RALGAPA1: variants seen among roughly 807,000 people sequenced by gnomAD.
The protein encoded by RALGAPA1 is Ral GTPase activating protein catalytic subunit alpha 1, also known as ral GTPase-activating protein subunit alpha-1.
A neutral mutation model predicts 269.6 loss-of-function variants in RALGAPA1; 52 were observed. The ratio of observed to expected loss-of-function variants is 0.19; its 90% confidence interval spans 0.15 to 0.24. The LOEUF (loss-of-function observed/expected upper bound fraction) is 0.24, where lower values mean the gene tolerates loss of function less well. RALGAPA1 is among the 10% of genes least tolerant of loss of function. RALGAPA1 has a pLI of 1.00. For synonymous variants in RALGAPA1, 817 were observed against 1,008.3 expected, an observed-to-expected ratio of 0.81 and a Z score of 3.60; for missense variants, 1,917 against 3,013.9, an observed-to-expected ratio of 0.64 and a Z score of 8.52.
chr14:35,782,852 C>A (rs979548556), intron 1 of RALGAPA1, among the ~76,000 whole-genome samples: 4 of 151,400 alleles, frequency 2.6e-5, no homozygotes, highest in Non-Finnish European at 5.9e-5. Context: ...TAAATGGAGT[C>A]TCGCTGTTAC....
chr14:35,750,814 C>T, intron 8 of RALGAPA1, 124 bp from the exon 9 acceptor site: 1 of 818,314 alleles, frequency 1.2e-6, no homozygotes, highest in East Asian at 2.7e-5. Context: ...GTAGCTTTAG[C>T]ACAGAAATGA....
At chr14:35,801,973 A>G (rs966053432) in intron 1 of RALGAPA1, among the ~76,000 whole-genome samples, 2 of 152,242 alleles carry the variant, frequency 1.3e-5, no homozygotes, top group Non-Finnish European at 2.9e-5. Context: ...CTGTATTTGC[A>G]GACTGATTCT....
intron 31 of RALGAPA1, among the ~76,000 whole-genome samples, chr14:35,640,988 T>C (rs1388431485): frequency 6.6e-6 from 1 of 152,196 alleles, no homozygotes; most frequent in Admixed American, 6.5e-5. Context: ...ACCTTTGTGA[T>C]AATTTCAGTT....
chr14:35,656,537 G>T (rs2063186246), intron 28 of RALGAPA1, among the ~76,000 whole-genome samples: 2 of 152,130 alleles, frequency 1.3e-5, no homozygotes, highest in South Asian at 4.1e-4. Context: ...AATCAGTAAG[G>T]ATTCTATTAG....
At chr14:35,804,065 C>T (rs2077173096) in intron 1 of RALGAPA1, among the ~76,000 whole-genome samples, 1 of 152,040 alleles carries the variant, frequency 6.6e-6, no homozygotes, top group Non-Finnish European at 1.5e-5. Context: ...GAGTTCAAGA[C>T]CAGCCTGGCC....
chr14:35,773,057 A>G (rs1324639133), intron 3 of RALGAPA1, among the ~76,000 whole-genome samples: 1 of 152,204 alleles, frequency 6.6e-6, no homozygotes, highest in East Asian at 1.9e-4. Context: ...ATTTTTGTAT[A>G]GAAAGAGATA....
intron 1 of RALGAPA1, among the ~76,000 whole-genome samples, chr14:35,799,250 C>A (rs1194715200): frequency 6.6e-6 from 1 of 151,796 alleles, no homozygotes; most frequent in African/African-American, 2.4e-5. Flanking sequence ...TAAAGGTGTA[C>A]ACTCTGGCAA....
rs117591454 is a variant in RALGAPA1 at position 35,588,609 on chromosome 14, C to T, written c.7209+7025G>A. 7.7e-3 allele frequency among the ~76,000 whole-genome samples: 1,166 copies of T among 152,034 alleles called. 5 individuals carry two copies. Among genetic ancestry groups the T allele is most frequent in the Non-Finnish European group, 0.014 (937 of 67,968 alleles). ...CTATTATCAAAAAGACAAAATGTAA[C>T]GGCAAGGATGTGGAAAAAAGAGGAC... On this transcript the variant is annotated intron_variant, in intron 37 of 41. Transcript: ENST00000680220.
At chr14:35,647,323 C>T (rs1022910851) in intron 31 of RALGAPA1, among the ~76,000 whole-genome samples, 4 of 152,056 alleles carry the variant, frequency 2.6e-5, no homozygotes, top group African/African-American at 7.2e-5. Flanking sequence ...GACAATGAGC[C>T]GTTTGAGAAG....
At chr14:35,541,066 AGACG>A in intron 41 of RALGAPA1, among the ~76,000 whole-genome samples, 1 of 46,982 alleles carries the variant, frequency 2.1e-5, no homozygotes, top group South Asian at 7.7e-4. Flanking sequence ...TTTTTTTTTG[AGACG>A]GAGTCTCACT....
intron 37 of RALGAPA1, among the ~76,000 whole-genome samples, chr14:35,577,276 C>T (rs914408423): frequency 6.6e-6 from 1 of 151,764 alleles, no homozygotes; most frequent in Non-Finnish European, 1.5e-5. Context: ...TCCCATCCAC[C>T]CCCCAAATTC....
intron 1 of RALGAPA1, among the ~76,000 whole-genome samples, chr14:35,788,169 C>T (rs1044948543): frequency 6.6e-6 from 1 of 151,948 alleles, no homozygotes; most frequent in Non-Finnish European, 1.5e-5. Context: ...AACGGGATTT[C>T]ATCATGTTGG....
Position 35,595,865 on chromosome 14 carries a change from G to T in RALGAPA1, c.7054-76C>A, listed in dbSNP as rs1185450647. 6 of 1,236,032 alleles carry T rather than the reference G, an allele frequency of 4.9e-6. No homozygotes were observed. In the East Asian group the frequency reaches 1.5e-4, roughly 31 times the overall value. The allele number at this position is 1,236,032 out of a possible 1,614,324, so 76.6% of individuals were successfully genotyped here. A position where few individuals can be genotyped will look rare whatever the true frequency, so the allele number is the denominator to read the frequency against. ...CTACAGAGAAAGACTCAAACTTCTT[G>T]CTTAAGAAAAAAATTGGGAACAAAG... On this transcript the variant is annotated intron_variant, in intron 36 of 41. Coordinates refer to ENST00000680220, the MANE Select transcript of RALGAPA1 (RefSeq NM_001346249.2).
At chr14:35,607,945 C>T (rs189454550) in intron 35 of RALGAPA1, among the ~76,000 whole-genome samples, 26 of 152,246 alleles carry the variant, frequency 1.7e-4, no homozygotes, top group African/African-American at 4.8e-4. Flanking sequence ...AGATGTAGGA[C>T]GGACAGACAT....
chr14:35,678,159 T>C, intron 21 of RALGAPA1, 57 bp from the exon 22 acceptor site: 3 of 1,514,028 alleles, frequency 2.0e-6, no homozygotes, highest in Non-Finnish European at 2.7e-6. Context: ...CTACCTAAGA[T>C]GTAATGCTTA....
chr14:35,771,342 C>T (rs1434442380), intron 3 of RALGAPA1, among the ~76,000 whole-genome samples: 1 of 151,990 alleles, frequency 6.6e-6, no homozygotes, highest in African/African-American at 2.4e-5. Flanking sequence ...TACCGTGAGC[C>T]GAGATCACGC....
intron 36 of RALGAPA1, among the ~76,000 whole-genome samples, chr14:35,597,662 C>T (rs1279116382): frequency 6.6e-6 from 1 of 152,156 alleles, no homozygotes; most frequent in Non-Finnish European, 1.5e-5. Context: ...AAGAATCCCC[C>T]ATATTGCCCT....
At chr14:35,699,347 G>A (rs1263517587) in intron 17 of RALGAPA1, among the ~76,000 whole-genome samples, 3 of 152,108 alleles carry the variant, frequency 2.0e-5, no homozygotes, top group Middle Eastern at 3.2e-3. Flanking sequence ...AAAGGTCACT[G>A]GGAAACTTTT....
In RALGAPA1 at chr14:35,574,025, T is replaced by C. The variant is rs1811665993; in HGVS notation, c.7210-1307A>G. On this transcript the variant is annotated intron_variant, in intron 37 of 41. Coordinates refer to ENST00000680220, the MANE Select transcript of RALGAPA1 (RefSeq NM_001346249.2). ...TACATGTTACAATAGCAGCCAGATCTAATACTAAGCTCCAGGCTATACTGA... is the reference window on the plus strand; with the variant it reads ...TACATGTTACAATAGCAGCCAGATCCAATACTAAGCTCCAGGCTATACTGA... Among the ~76,000 whole-genome samples, 3 of 152,194 alleles carry C rather than the reference T, an allele frequency of 2.0e-5. No individual in the cohort carries two copies. The South Asian group carries it at 6.2e-4, about 32-fold the overall frequency.
Sources: gnomAD v4.1 joint callset for allele counts (sites outside exome capture counted in the v4.1 genomes callset) on GRCh38, gnomAD v4.1.1 for gene constraint, MANE v1.5 for transcripts, NCBI Gene and HGNC (gene_info 2026-07-23, HGNC 2026-07-21) for gene names.